The following PLPPR1 variants were observed in gnomAD, a reference collection of about 807,000 sequenced individuals.
PLPPR1 encodes phospholipid phosphatase-related protein type 1.
Under a neutral mutation model 33.1 loss-of-function variants are expected in PLPPR1, and 10 were observed. That is an observed-to-expected ratio of 0.30 (90% CI 0.19 to 0.51). The LOEUF (loss-of-function observed/expected upper bound fraction) is 0.51, where lower values mean the gene tolerates loss of function less well. PLPPR1 is among the 20% of genes least tolerant of loss of function. PLPPR1 has a pLI of 0.97. For synonymous variants in PLPPR1, 151 were observed against 151.0 expected, an observed-to-expected ratio of 1.00 and a Z score of 0.00; for missense variants, 304 against 408.1, an observed-to-expected ratio of 0.74 and a Z score of 2.20.
chr9:101,040,281 G>A (rs1830060564), intron 1 of PLPPR1, among the ~76,000 whole-genome samples: 1 of 152,128 alleles, frequency 6.6e-6, no homozygotes, highest in African/African-American at 2.4e-5. Context: ...TCACCTGGAT[G>A]TAGACACATA....
intron 1 of PLPPR1, among the ~76,000 whole-genome samples, chr9:101,047,689 A>G (rs910589568): frequency 6.6e-6 from 1 of 152,148 alleles, no homozygotes; most frequent in African/African-American, 2.4e-5. Flanking sequence ...TTTCCTCAGT[A>G]TTTGATGCTC....
intron 4 of PLPPR1, among the ~76,000 whole-genome samples, chr9:101,308,049 G>C (rs1312638760): frequency 6.6e-6 from 1 of 152,154 alleles, no homozygotes; most frequent in East Asian, 1.9e-4. Flanking sequence ...TAAAATCCAG[G>C]AAGTATAGCC....
chr9:101,066,369 C>T (rs983495378), intron 1 of PLPPR1, among the ~76,000 whole-genome samples: 1 of 151,912 alleles, frequency 6.6e-6, no homozygotes, highest in African/African-American at 2.4e-5. Context: ...TAGCAAATTA[C>T]TTTTGTCCCT....
At position 101,225,444 on chromosome 9, in the gene PLPPR1, A is replaced by C. The variant is rs1372019710; in HGVS notation, c.63+39887A>C. Among the ~76,000 whole-genome samples the C allele has an allele frequency of 2.6e-5, 4 of 152,160 alleles. No homozygotes were observed. The East Asian group carries it at 5.8e-4, about 22-fold the overall frequency. ...CTCTCTGTGCAGGGCTGACTGGCTC[A>C]TTCCAATTCCACATAGCTCACCCAA... is the stretch of plus-strand genomic sequence containing the variant. On this transcript the variant is annotated intron_variant, in intron 2 of 7. Coordinates refer to ENST00000374874, the MANE Select transcript of PLPPR1 (RefSeq NM_207299.2).
rs375948512 is a variant in PLPPR1, at chr9:101,317,255, A to T, written c.814-110A>T. ...GTCCCTTTCCCCTCTCTCAAAGGAA[A>T]AAGGTCACTCTGGTGATGATATTCA... is the stretch of plus-strand genomic sequence containing the variant. On this transcript the variant is annotated intron_variant, in intron 6 of 7. Transcript: ENST00000374874. 4.4e-4 allele frequency: 523 copies of T among 1,183,518 alleles called. 5 individuals carry two copies. The South Asian group carries it at 6.3e-3, about 14-fold the overall frequency. 73.3% of individuals were successfully genotyped at this position (1,183,518 alleles called of 1,614,324 possible). A position where few individuals can be genotyped will look rare whatever the true frequency, so the allele number is the denominator to read the frequency against.
At chr9:101,055,196 T>C (rs1830266395) in intron 1 of PLPPR1, among the ~76,000 whole-genome samples, 1 of 152,206 alleles carries the variant, frequency 6.6e-6, no homozygotes, top group African/African-American at 2.4e-5. Flanking sequence ...TACAGGAGGA[T>C]CATCTGTAAC....
At chr9:101,231,361 TG>T (rs1283599977) in intron 2 of PLPPR1, among the ~76,000 whole-genome samples, 3 of 106,346 alleles carry the variant, frequency 2.8e-5, no homozygotes, top group African/African-American at 6.2e-5. Context: ...TGAGATCGTT[TG>T]TTTTTTTTTT....
chr9:101,197,758 G>A (rs1826424073), intron 2 of PLPPR1, among the ~76,000 whole-genome samples: 1 of 152,174 alleles, frequency 6.6e-6, no homozygotes, highest in Admixed American at 6.5e-5. Flanking sequence ...TATGTTTAAA[G>A]ACTGCATTAA....
At chr9:101,052,949 T>C (rs1026078587) in intron 1 of PLPPR1, among the ~76,000 whole-genome samples, 1 of 152,152 alleles carries the variant, frequency 6.6e-6, no homozygotes, top group Non-Finnish European at 1.5e-5. Context: ...ACTTCTAAGC[T>C]GCTGGTAAAA....
At chr9:101,317,311 C>T in intron 6 of PLPPR1, 54 bp from the exon 7 acceptor site, 1 of 1,572,290 alleles carries the variant, frequency 6.4e-7, no homozygotes, top group South Asian at 1.2e-5. Context: ...TCACAGATGC[C>T]AGGCATTGAT....
chr9:101,060,625 A>G (rs1364705914), intron 1 of PLPPR1, among the ~76,000 whole-genome samples: 1 of 151,902 alleles, frequency 6.6e-6, no homozygotes, highest in Non-Finnish European at 1.5e-5. Context: ...AGTATTAAAA[A>G]TATATACAAT....
At chr9:101,300,255 C>G (rs189007084) in intron 4 of PLPPR1, among the ~76,000 whole-genome samples, 21 of 152,182 alleles carry the variant, frequency 1.4e-4, no homozygotes, top group Admixed American at 1.3e-3. Context: ...CTCACTGCAG[C>G]CTTGACCTCC....
intron 1 of PLPPR1, among the ~76,000 whole-genome samples, chr9:101,061,641 G>A (rs1215852001): frequency 6.6e-6 from 1 of 151,922 alleles, no homozygotes; most frequent in Non-Finnish European, 1.5e-5. Flanking sequence ...TCCCAGAGTC[G>A]TTTAGAGTTA....
chr9:101,255,451 G>C (rs932123826), intron 2 of PLPPR1, among the ~76,000 whole-genome samples: 1 of 152,070 alleles, frequency 6.6e-6, no homozygotes, highest in African/African-American at 2.4e-5. Flanking sequence ...ACAGGAGTTT[G>C]TTTTATATAT....
At chr9:101,114,807 G>A (rs981564722) in intron 1 of PLPPR1, among the ~76,000 whole-genome samples, 2 of 152,204 alleles carry the variant, frequency 1.3e-5, no homozygotes, top group Admixed American at 6.5e-5. Flanking sequence ...AATGGTCAGC[G>A]AGGGGTTACT....
chr9:101,142,264 C>A (rs2118633637), intron 1 of PLPPR1, among the ~76,000 whole-genome samples: 1 of 152,270 alleles, frequency 6.6e-6, no homozygotes, highest in African/African-American at 2.4e-5. Flanking sequence ...CCCTATTAAC[C>A]ATTATACCAT....
At chr9:101,240,030 T>A (rs1317475045) in intron 2 of PLPPR1, among the ~76,000 whole-genome samples, 1 of 152,068 alleles carries the variant, frequency 6.6e-6, no homozygotes, top group Admixed American at 6.6e-5. Context: ...TAGTTTCAGG[T>A]CTTACATTTA....
intron 2 of PLPPR1, among the ~76,000 whole-genome samples, chr9:101,237,981 A>C (rs1302595235): frequency 4.1e-4 from 48 of 116,860 alleles, no homozygotes; most frequent in Non-Finnish European, 1.1e-4. Context: ...TATATAGCCT[A>C]TATATATATA....
intron 1 of PLPPR1, among the ~76,000 whole-genome samples, chr9:101,108,870 AAATAT>A (rs1421241351): frequency 6.6e-6 from 1 of 152,090 alleles, no homozygotes; most frequent in Non-Finnish European, 1.5e-5. Flanking sequence ...CTGAATTAAT[AAATAT>A]TTTTTCAGTT....
Sources: gnomAD v4.1 joint callset for allele counts (sites outside exome capture counted in the v4.1 genomes callset) on GRCh38, gnomAD v4.1.1 for gene constraint, MANE v1.5 for transcripts, NCBI Gene and HGNC (gene_info 2026-07-23, HGNC 2026-07-21) for gene names.